MOB4: variants seen among roughly 807,000 people sequenced by gnomAD.
MOB4 encodes the protein MOB family member 4, phocein.
In MOB4, 4 loss-of-function variants were observed where a neutral mutation model predicts 32.2. That is an observed-to-expected ratio of 0.12 (90% CI 0.06 to 0.28). The LOEUF is 0.28. Among genes scored for constraint, MOB4 ranks in the 10% least tolerant of loss-of-function variants. The probability of loss-of-function intolerance (pLI) is 1.00; values close to 1 mark genes in which losing one functional copy is unlikely to be tolerated. For missense variants in MOB4, 158 were observed against 271.2 expected (o/e 0.58, Z 2.93); for synonymous variants, 88 against 88.1 (o/e 1.00, Z 0.01).
chr2:197,528,782 A>C, intron 2 of MOB4, among the ~76,000 whole-genome samples: 1 of 150,694 alleles, frequency 6.6e-6, no homozygotes, highest in South Asian at 2.1e-4. Context: ...CCCCCGGCTA[A>C]TTTTTTTGTA....
At chr2:197,516,726 GT>G (rs374523485) in intron 1 of MOB4, 5,846 of 471,634 alleles carry the variant, frequency 0.012, 98 homozygotes, top group South Asian at 0.038. Context: ...GGTCCAGCAA[GT>G]TTTCATCACT....
At position 197,551,056 on chromosome 2, in the gene MOB4, A is replaced by T. The variant is rs181371049; in HGVS notation, c.*410A>T. Reference sequence around the variant, plus strand: ...TATTGGTTTTACCTTGAGTTTAGATATCCTAAAAAATTCTGTAGTACGTAG... The same window carrying T: ...TATTGGTTTTACCTTGAGTTTAGATTTCCTAAAAAATTCTGTAGTACGTAG... On this transcript the variant is annotated 3_prime_UTR_variant, in exon 8 of 8. Coordinates refer to ENST00000323303, the MANE Select transcript of MOB4 (RefSeq NM_015387.5). 6.6e-6 allele frequency: 1 copy of T among 152,606 alleles called. No homozygotes were observed. The highest frequency in any genetic ancestry group is 2.4e-5 in the African/African-American group (1 of 41,474). The allele number at this position is 152,606 out of a possible 1,614,324, so 9.5% of individuals were successfully genotyped here.
At chr2:197,531,534 T>C (rs933707695) in intron 2 of MOB4, among the ~76,000 whole-genome samples, 2 of 152,126 alleles carry the variant, frequency 1.3e-5, no homozygotes, top group African/African-American at 4.8e-5. Context: ...TTATATCTTT[T>C]TACAAACTTG....
chr2:197,530,424 CT>C (rs1356866619), intron 2 of MOB4, among the ~76,000 whole-genome samples: 2 of 152,040 alleles, frequency 1.3e-5, no homozygotes, highest in East Asian at 1.9e-4. Context: ...CACACCACCC[CT>C]GGCTGACTTT....
intron 1 of MOB4, 61 bp from the exon 2 acceptor site, chr2:197,523,563 G>C: frequency 3.3e-6 from 5 of 1,528,736 alleles, no homozygotes; most frequent in Non-Finnish European, 4.4e-6. Flanking sequence ...TCTTTATTAA[G>C]AATTGAAGTT....
chr2:197,542,834 A>G (rs2086920179), intron 5 of MOB4, among the ~76,000 whole-genome samples: 1 of 152,182 alleles, frequency 6.6e-6, no homozygotes, highest in Admixed American at 6.5e-5. Flanking sequence ...AACTGGGGGA[A>G]GGTGAAGGGA....
At position 197,553,455 on chromosome 2, in the gene MOB4, TAGTA is replaced by T. The variant is rs2087129899; in HGVS notation, c.*2812_*2815del. ...AAAAAAAAATCCTTGATTACATTGT[TAGTA>T]AGGACTGTGTTACGATTATAAACAC... is the stretch of plus-strand genomic sequence containing the variant. On this transcript the variant is annotated 3_prime_UTR_variant, in exon 8 of 8. Coordinates refer to ENST00000323303, the MANE Select transcript of MOB4 (RefSeq NM_015387.5). 1.3e-5 allele frequency: 2 copies of T among 152,094 alleles called. No homozygotes were observed. Among genetic ancestry groups the T allele is most frequent in the African/African-American group, 4.8e-5 (2 of 41,418 alleles). 9.4% of individuals were successfully genotyped at this position (152,094 alleles called of 1,614,324 possible).
intron 5 of MOB4, among the ~76,000 whole-genome samples, chr2:197,540,951 G>T (rs1382561869): frequency 1.3e-5 from 2 of 151,490 alleles, no homozygotes; most frequent in Non-Finnish European, 2.9e-5. Context: ...GTCCAGGCTG[G>T]AGTGCAGTGG....
At chr2:197,540,241 A>G in intron 4 of MOB4, 88 bp downstream of exon 4, 2 of 1,517,048 alleles carry the variant, frequency 1.3e-6, no homozygotes, top group Non-Finnish European at 1.8e-6. Context: ...ACAAAAACGT[A>G]TCCACATTTC....
In MOB4 at chr2:197,552,887, T is replaced by C. The variant is rs1181952409; in HGVS notation, c.*2241T>C. On this transcript the variant is annotated 3_prime_UTR_variant, in exon 8 of 8. Coordinates refer to ENST00000323303, the MANE Select transcript of MOB4 (RefSeq NM_015387.5). ...AGGAAGTTAGGCTCCACTTTTTGTT[T>C]GAATTACCCTATGTATATCCGAAGG... 1 of 152,268 alleles carries C rather than the reference T, an allele frequency of 6.6e-6. No homozygotes were observed. Among genetic ancestry groups the C allele is most frequent in the African/African-American group, 2.4e-5 (1 of 41,474 alleles). The allele number at this position is 152,268 out of a possible 1,614,324, so 9.4% of individuals were successfully genotyped here. A position where few individuals can be genotyped will look rare whatever the true frequency, so the allele number is the denominator to read the frequency against.
chr2:197,535,983 C>T (rs1359536526), intron 3 of MOB4, among the ~76,000 whole-genome samples: 2 of 149,686 alleles, frequency 1.3e-5, no homozygotes, highest in African/African-American at 4.9e-5. Context: ...TACTGTGCCT[C>T]TACCTCTTAG....
At chr2:197,544,747 C>T (rs765195014) in intron 5 of MOB4, among the ~76,000 whole-genome samples, 11 of 147,656 alleles carry the variant, frequency 7.4e-5, no homozygotes, top group Non-Finnish European at 1.0e-4. Flanking sequence ...AGTGAGACTC[C>T]GTCTCAAAAA....
intron 2 of MOB4, among the ~76,000 whole-genome samples, chr2:197,524,684 G>A (rs558967282): frequency 4.0e-5 from 6 of 151,898 alleles, no homozygotes; most frequent in Non-Finnish European, 8.8e-5. Context: ...AGGGTTTTGC[G>A]ATGCTGCCCA....
At chr2:197,543,874 G>T (rs955362901) in intron 5 of MOB4, among the ~76,000 whole-genome samples, 12 of 151,784 alleles carry the variant, frequency 7.9e-5, no homozygotes, top group African/African-American at 2.9e-4. Context: ...AAGTGGCTGG[G>T]ATTTACAGGC....
At position 197,553,274 on chromosome 2, in the gene MOB4, A is replaced by T. The variant is rs2087126263; in HGVS notation, c.*2628A>T. The T allele has an allele frequency of 6.6e-6, 1 of 152,072 alleles. No homozygotes were observed. Among genetic ancestry groups the T allele is most frequent in the African/African-American group, 2.4e-5 (1 of 41,286 alleles). The allele number at this position is 152,072 out of a possible 1,614,324, so 9.4% of individuals were successfully genotyped here. On this transcript the variant is annotated 3_prime_UTR_variant, in exon 8 of 8. Coordinates refer to ENST00000323303, the MANE Select transcript of MOB4 (RefSeq NM_015387.5). ...CATGGAGAAACCCTGTCTCTACTAA[A>T]AATACAAAAATTAGCCGGGCGTGGT... is the stretch of plus-strand genomic sequence containing the variant.
At chr2:197,546,942 T>C (rs577928425) in intron 5 of MOB4, among the ~76,000 whole-genome samples, 18 of 152,124 alleles carry the variant, frequency 1.2e-4, no homozygotes, top group African/African-American at 4.3e-4. Flanking sequence ...CTAGAGAAAA[T>C]GTTATTCAGA....
At chr2:197,515,837 G>A (rs921849374), upstream of MOB4, 173 of 534,030 alleles carry the variant, frequency 3.2e-4, 1 homozygote, top group Non-Finnish European at 1.3e-4. Flanking sequence ...CTCGCAAAGA[G>A]GCTCGTGGCG....
chr2:197,544,549 C>G (rs1574652269), intron 5 of MOB4, among the ~76,000 whole-genome samples: 1 of 152,104 alleles, frequency 6.6e-6, no homozygotes, highest in Non-Finnish European at 1.5e-5. Context: ...GTCAGGAGAT[C>G]AAGACCATCC....
At chr2:197,516,002 G>A, upstream of MOB4, 3 of 1,396,264 alleles carry the variant, frequency 2.1e-6, no homozygotes, top group Admixed American at 2.2e-5. Context: ...CCTCCCAGAC[G>A]CAGAGCGCCG....
Sources: gnomAD v4.1 joint callset for allele counts (sites outside exome capture counted in the v4.1 genomes callset) on GRCh38, gnomAD v4.1.1 for gene constraint, MANE v1.5 for transcripts, NCBI Gene and HGNC (gene_info 2026-07-23, HGNC 2026-07-21) for gene names.